Variants in GSTA2 observed in about 807,000 individuals in gnomAD.
The protein encoded by GSTA2 is glutathione S-transferase A2.
Under a neutral mutation model 22.4 loss-of-function variants are expected in GSTA2, and 27 were observed. The observed-to-expected ratio is 1.21, with a 90% CI of 0.89 to 1.67. The LOEUF (loss-of-function observed/expected upper bound fraction) is 1.67. GSTA2 is among the 40% of genes most tolerant of loss of function. The pLI is 0.00. For synonymous variants in GSTA2, 121 were observed against 86.8 expected, an observed-to-expected ratio of 1.39 and a Z score of -2.19; for missense variants, 302 against 260.2, an observed-to-expected ratio of 1.16 and a Z score of -1.11.
chr6:52,755,014 C>T lies in GSTA2; in HGVS notation c.201G>A (p.Gln67=). ...CAATGTAGTTGAGAATGGCTCTGGTCTGCACCAGCTTCATCCCATCAATCT... is the reference window on the plus strand; with the variant it reads ...CAATGTAGTTGAGAATGGCTCTGGTTTGCACCAGCTTCATCCCATCAATCT... ...MVEIDGMKLV[Q]TRAILNYIAS... is the part of the protein sequence containing the mutation. Residue 67 remains glutamine, a synonymous_variant, in exon 4 of 7, where the codon CAG becomes CAA. Coordinates refer to ENST00000493422, the MANE Select transcript of GSTA2 (RefSeq NM_000846.5). 6.2e-7 allele frequency: 1 copy of T among 1,614,086 alleles called. No homozygotes were observed. The highest frequency in any genetic ancestry group is 8.5e-7 in the Non-Finnish European group (1 of 1,180,024).
At chr6:52,756,578 A>G (rs1398051817) in intron 2 of GSTA2, among the ~76,000 whole-genome samples, 2 of 152,168 alleles carry the variant, frequency 1.3e-5, no homozygotes, top group African/African-American at 4.8e-5. Flanking sequence ...ATGTTTTGAG[A>G]GGGACATCAC....
rs1229610980 is a variant in GSTA2, at chr6:52,753,013, C to G, written c.273-18G>C. On this transcript the variant is annotated intron_variant, in intron 4 of 6. Coordinates refer to ENST00000493422, the MANE Select transcript of GSTA2 (RefSeq NM_000846.5). ...TATCAATCCTGAAAGACAAAAACAA[C>G]CAAATGGTCAAATATCTTTTGCCTT... 5.1e-6 allele frequency: 8 copies of G among 1,579,338 alleles called. No individual in the cohort carries two copies. The South Asian group carries it at 9.4e-5, about 19-fold the overall frequency.
At chr6:52,754,866 A>T (rs1762810875) in intron 4 of GSTA2, 77 bp downstream of exon 4, 1 of 1,594,042 alleles carries the variant, frequency 6.3e-7, no homozygotes, top group Admixed American at 1.7e-5. Context: ...ATACCCTGCC[A>T]TGGTCCCACC....
At chr6:52,753,131 A>G in intron 4 of GSTA2, 136 bp from the exon 5 acceptor site, 1 of 747,228 alleles carries the variant, frequency 1.3e-6, no homozygotes, top group Non-Finnish European at 2.1e-6. Context: ...TAGTCTAGTC[A>G]TTATGCTCTG....
intron 1 of GSTA2, among the ~76,000 whole-genome samples, chr6:52,763,074 T>C (rs1762978432): frequency 6.6e-6 from 1 of 152,186 alleles, no homozygotes; most frequent in South Asian, 2.1e-4. Context: ...AGTGTCACAA[T>C]TTACAATTGT....
intron 1 of GSTA2, among the ~76,000 whole-genome samples, chr6:52,762,946 C>A (rs1360812241): frequency 1.3e-5 from 2 of 152,172 alleles, no homozygotes; most frequent in Non-Finnish European, 2.9e-5. Context: ...TATGACTTGT[C>A]GTCGAGCTAA....
In GSTA2 at chr6:52,752,884, T is replaced by C; in HGVS notation, c.384A>G (p.Thr128=). Residue 128 remains threonine, a synonymous_variant, in exon 5 of 7, where the codon ACA becomes ACG. Transcript: ENST00000493422. The part of the protein sequence containing the change: ...DAKLALIQEK[T]KNRYFPAFEK... ...CAAAGGCAGGGAAGTAGCGATTTTT[T>C]GTTTTCTCTTGGATCAAGGCAAGCT... 1 of 1,614,074 alleles carries C rather than the reference T, an allele frequency of 6.2e-7. No homozygotes were observed. The highest frequency in any genetic ancestry group is 1.1e-5 in the South Asian group (1 of 91,082).
intron 5 of GSTA2, 26 bp downstream of exon 5, chr6:52,752,828 C>A: frequency 6.2e-7 from 1 of 1,613,004 alleles, no homozygotes; most frequent in Non-Finnish European, 8.5e-7. Flanking sequence ...ACTCAGTTCC[C>A]CAAAACACTG....
intron 1 of GSTA2, among the ~76,000 whole-genome samples, chr6:52,761,304 C>T (rs1035122579): frequency 1.5e-4 from 23 of 152,118 alleles, no homozygotes; most frequent in African/African-American, 5.6e-4. Context: ...ATTATTTTAC[C>T]AACCAACAAT....
chr6:52,763,027 C>T (rs1287189578), intron 1 of GSTA2, among the ~76,000 whole-genome samples: 3 of 152,084 alleles, frequency 2.0e-5, no homozygotes, highest in East Asian at 3.9e-4. Context: ...TTATAATAAA[C>T]CTTAGTTTTG....
At chr6:52,761,486 G>T (rs1035452970) in intron 1 of GSTA2, among the ~76,000 whole-genome samples, 1 of 145,530 alleles carries the variant, frequency 6.9e-6, no homozygotes, top group Non-Finnish European at 1.5e-5. Context: ...ACTCTAGTAG[G>T]AATAAGATTT....
intron 6 of GSTA2, 32 bp downstream of exon 6, chr6:52,751,545 T>A: frequency 4.3e-6 from 7 of 1,613,516 alleles, no homozygotes; most frequent in Non-Finnish European, 5.9e-6. Flanking sequence ...GAGATGTGGG[T>A]CTGCCTCTCT....
At chr6:52,751,872 A>G (rs1280727675) in intron 5 of GSTA2, among the ~76,000 whole-genome samples, 164 bp from the exon 6 acceptor site, 1 of 152,224 alleles carries the variant, frequency 6.6e-6, no homozygotes, top group Non-Finnish European at 1.5e-5. Context: ...ATGAGATAGT[A>G]AGAAGTGTAA....
At chr6:52,756,230 A>T in intron 3 of GSTA2, 28 bp downstream of exon 3, 1 of 1,554,070 alleles carries the variant, frequency 6.4e-7, no homozygotes, top group Non-Finnish European at 8.9e-7. Flanking sequence ...AGATACCCTC[A>T]TTAGAGAAAC....
chr6:52,754,612 T>C (rs1483729806), intron 4 of GSTA2, among the ~76,000 whole-genome samples: 1 of 152,164 alleles, frequency 6.6e-6, no homozygotes, highest in African/African-American at 2.4e-5. Flanking sequence ...TCCTAAGCCA[T>C]TGGCCGGGGT....
rs60332313 is a variant in GSTA2 at position 52,752,894 on chromosome 6, T to G, written c.374A>C (p.Gln125Pro). Reference sequence around the variant, plus strand: ...GAAGTAGCGATTTTTTGTTTTCTCTTGGATCAAGGCAAGCTTGGCATCTTG... The same window carrying G: ...GAAGTAGCGATTTTTTGTTTTCTCTGGGATCAAGGCAAGCTTGGCATCTTG... ...EEQDAKLALIQEKTKNRYFPA... is the reference protein window; with the variant it reads ...EEQDAKLALIPEKTKNRYFPA... The change falls in exon 5 of 7, where the codon CAA becomes CCA. Residue 125 changes from glutamine (Q) to proline (P), a missense_variant. Physicochemically the swap from Gln to Pro is moderately conservative, Grantham distance 76. Transcript: ENST00000493422. The G allele has an allele frequency of 2.0e-4, 316 of 1,614,098 alleles. 4 individuals are homozygous for G. In the African/African-American group the frequency reaches 3.7e-3, roughly 19 times the overall value.
rs1762913408 is a variant in GSTA2 at position 52,759,563 on chromosome 6, G to GTTTTTTTTTGTTTTTTTTT, written c.-30-1587_-30-1586insAAAAAAAAACAAAAAAAAA. Among the ~76,000 whole-genome samples, 11 of 34,198 alleles carry GTTTTTTTTTGTTTTTTTTT rather than the reference G, an allele frequency of 3.2e-4. 4 individuals carry two copies. The highest frequency in any genetic ancestry group is 8.7e-4 in the African/African-American group (10 of 11,560). The allele number at this position is 34,198 out of a possible 152,430, so 22.4% of individuals were successfully genotyped here. ...CCTTTAACAACTAATGTATTTATTTGTTTTTTTTTTTTTTTTTTTTTTTTT... is the reference window on the plus strand; with the variant it reads ...CCTTTAACAACTAATGTATTTATTTGTTTTTTTTTGTTTTTTTTTTTTTTTTTTTTTTTTTTTTTTTTTT... On this transcript the variant is annotated intron_variant, in intron 1 of 6. Transcript: ENST00000493422.
chr6:52,751,430 G>C (rs1762733406), intron 6 of GSTA2, 147 bp downstream of exon 6: 2 of 1,519,146 alleles, frequency 1.3e-6, no homozygotes, highest in Non-Finnish European at 8.9e-7. Context: ...CTCAAAATTG[G>C]AGCCTGGAAG....
chr6:52,763,092 C>CTA lies in GSTA2; in HGVS notation c.-31+350_-31+351dup, dbSNP rs369933994. ...GTCACAATTTACAATTGTGTGTTGA[C>CTA]TATATATATAAAGAAATTTTTGCAT... On this transcript the variant is annotated intron_variant, in intron 1 of 6. Coordinates refer to ENST00000493422, the MANE Select transcript of GSTA2 (RefSeq NM_000846.5). Among the ~76,000 whole-genome samples, 905 of 152,216 alleles carry CTA rather than the reference C, an allele frequency of 5.9e-3. 11 individuals carry two copies. Among genetic ancestry groups the CTA allele is most frequent in the African/African-American group, 0.021 (864 of 41,524 alleles).
Sources: allele counts gnomAD v4.1 joint callset (sites outside exome capture counted in the v4.1 genomes callset), GRCh38; gene constraint gnomAD v4.1.1; transcripts MANE v1.5; gene names NCBI Gene and HGNC (gene_info 2026-07-23, HGNC 2026-07-21).